Variants in ARHGAP32 observed in about 807,000 individuals in gnomAD.
The protein encoded by ARHGAP32 is Rho GTPase activating protein 32, also known as rho GTPase-activating protein 32.
A neutral mutation model predicts 186.5 loss-of-function variants in ARHGAP32; 51 were observed. The observed-to-expected ratio is 0.27, with a 90% CI of 0.22 to 0.35. ARHGAP32 has a LOEUF of 0.35. ARHGAP32 is among the 10% of genes least tolerant of loss of function. The probability of loss-of-function intolerance (pLI) is 1.00; values close to 1 mark genes in which losing one functional copy is unlikely to be tolerated. For synonymous variants in ARHGAP32, 950 were observed against 964.3 expected, an observed-to-expected ratio of 0.99 and a Z score of 0.27; for missense variants, 2,186 against 2,623.5, an observed-to-expected ratio of 0.83 and a Z score of 3.64.
rs1043827029 is a variant in ARHGAP32 at position 129,190,893 on chromosome 11, G to A, written c.116+1190C>T. On this transcript the variant is annotated intron_variant, in intron 1 of 22. Coordinates refer to ENST00000682385, the MANE Select transcript of ARHGAP32 (RefSeq NM_001378024.1). ...ATTTGAAAGGCTAGATAAAATTATG[G>A]GAAAATGAGACAAAAGTTCAGACAA... Among the ~76,000 whole-genome samples the A allele has an allele frequency of 5.1e-4, 77 of 151,938 alleles. 4 individuals are homozygous for A.
chr11:129,193,697 T>TAC (rs1944344793), upstream of ARHGAP32, among the ~76,000 whole-genome samples: 43 of 30,268 alleles, frequency 1.4e-3, no homozygotes, highest in African/African-American at 4.8e-3. Flanking sequence ...TATTATATAA[T>TAC]ATATAATATA....
chr11:129,142,515 T>G (rs1200875775), intron 2 of ARHGAP32, among the ~76,000 whole-genome samples: 2 of 152,148 alleles, frequency 1.3e-5, no homozygotes, highest in Non-Finnish European at 2.9e-5. Context: ...AAACAAGGTT[T>G]CAATACTAAA....
chr11:129,126,704 G>A (rs1364763133), intron 2 of ARHGAP32, among the ~76,000 whole-genome samples: 1 of 152,074 alleles, frequency 6.6e-6, no homozygotes, highest in Non-Finnish European at 1.5e-5. Flanking sequence ...GATGAATATA[G>A]TATTGAGTAT....
intron 2 of ARHGAP32, among the ~76,000 whole-genome samples, chr11:129,153,504 CAG>C (rs1943335706): frequency 1.3e-5 from 2 of 152,070 alleles, no homozygotes; most frequent in Admixed American, 1.3e-4. Context: ...GTTATAGTTA[CAG>C]AAACAGTATG....
At chr11:129,029,574 C>T (rs569871275) in intron 11 of ARHGAP32, among the ~76,000 whole-genome samples, 219 of 152,098 alleles carry the variant, frequency 1.4e-3, no homozygotes, top group Admixed American at 3.4e-3. Context: ...GAGGCCGAGA[C>T]GTGTGGATCA....
intron 1 of ARHGAP32, among the ~76,000 whole-genome samples, chr11:129,221,820 A>T (rs890145850): frequency 1.6e-4 from 24 of 151,802 alleles, no homozygotes; most frequent in East Asian, 5.8e-4. Context: ...TCTAAAAAAA[A>T]TTTTTTTAAA....
chr11:128,965,248 T>C lies in ARHGAP32; in HGVS notation c.*3659A>G, dbSNP rs899931742. ...CCCACAACTCAGCTTCAAATAAGTT[T>C]GCAAGAAATGAGACTCTAAATATTT... On this transcript the variant is annotated 3_prime_UTR_variant, in exon 23 of 23. Transcript: ENST00000682385. The C allele has an allele frequency of 6.6e-6, 1 of 151,746 alleles. No homozygotes were observed. The highest frequency in any genetic ancestry group is 1.5e-5 in the Non-Finnish European group (1 of 67,982). 9.4% of individuals were successfully genotyped at this position (151,746 alleles called of 1,614,324 possible).
intron 5 of ARHGAP32, among the ~76,000 whole-genome samples, chr11:129,106,482 G>A (rs945628040): frequency 2.6e-5 from 4 of 151,888 alleles, no homozygotes; most frequent in African/African-American, 4.8e-5. Flanking sequence ...AGGTACTTAC[G>A]GAAATAAAGA....
chr11:128,992,699 A>G (rs983934622), intron 12 of ARHGAP32, among the ~76,000 whole-genome samples: 1 of 152,144 alleles, frequency 6.6e-6, no homozygotes, highest in Non-Finnish European at 1.5e-5. Flanking sequence ...AGGCAGGAGA[A>G]TTGCTTGAAC....
chr11:128,977,944 T>A (rs746132425), intron 19 of ARHGAP32, among the ~76,000 whole-genome samples: 11 of 151,410 alleles, frequency 7.3e-5, no homozygotes, highest in Non-Finnish European at 1.3e-4. Flanking sequence ...CTTGAACTCC[T>A]GGCTTCAAGC....
At chr11:129,174,095 A>C (rs1344719231) in intron 1 of ARHGAP32, among the ~76,000 whole-genome samples, 1 of 152,186 alleles carries the variant, frequency 6.6e-6, no homozygotes, top group African/African-American at 2.4e-5. Context: ...CACCGTGCAC[A>C]AGCCAAAGCA....
intron 11 of ARHGAP32, among the ~76,000 whole-genome samples, chr11:129,034,153 G>A (rs1262212870): frequency 6.6e-6 from 1 of 152,058 alleles, no homozygotes; most frequent in Non-Finnish European, 1.5e-5. Context: ...TGTCTTGATG[G>A]GTTCTGACCT....
At chr11:129,169,047 T>C (rs774139847) in intron 1 of ARHGAP32, among the ~76,000 whole-genome samples, 5 of 152,184 alleles carry the variant, frequency 3.3e-5, no homozygotes, top group Non-Finnish European at 7.3e-5. Flanking sequence ...AAATGCATGT[T>C]ACTGGAAATT....
chr11:129,254,821 C>A (rs1945232180), intron 1 of ARHGAP32, among the ~76,000 whole-genome samples: 1 of 152,116 alleles, frequency 6.6e-6, no homozygotes, highest in Non-Finnish European at 1.5e-5. Flanking sequence ...CTACTGAACA[C>A]TGCAGTGATT....
At chr11:128,998,202 C>A in intron 12 of ARHGAP32, 117 bp downstream of exon 12, 7 of 816,642 alleles carry the variant, frequency 8.6e-6, no homozygotes, top group Non-Finnish European at 1.2e-5. Flanking sequence ...TTAGTACATG[C>A]ATTGAACTGA....
intron 1 of ARHGAP32, among the ~76,000 whole-genome samples, chr11:129,215,261 G>T (rs1944630612): frequency 1.3e-5 from 2 of 152,112 alleles, no homozygotes; most frequent in Non-Finnish European, 1.5e-5. Context: ...TGGTGCCTCA[G>T]TTTAGCAATA....
intron 2 of ARHGAP32, among the ~76,000 whole-genome samples, chr11:129,152,497 G>T (rs1388004822): frequency 6.6e-6 from 1 of 152,114 alleles, no homozygotes; most frequent in Non-Finnish European, 1.5e-5. Flanking sequence ...CAAAATACTA[G>T]CTAACCAAAT....
Position 128,970,549 on chromosome 11 carries a change from C to T in ARHGAP32, c.4664G>A (p.Gly1555Glu). 5 of 1,614,170 alleles carry T rather than the reference C, an allele frequency of 3.1e-6. No homozygotes were observed. The highest frequency in any genetic ancestry group is 4.2e-6 in the Non-Finnish European group (5 of 1,180,040). ...GLRYNTYVAP[G>E]RNASGHHSKP... ...GGAGTGGTGTCCAGATGCGTTTCTT[C>T]CTGGGGCCACATATGTGTTATAACG... Residue 1555 changes from glycine (G) to glutamate (E), a missense_variant, in exon 23 of 23, where the codon GGA becomes GAA. Gly to Glu is a moderately conservative substitution (Grantham distance 98). Transcript: ENST00000682385. The surrounding 1 kb of genome is among the most constrained non-coding windows in gnomAD (Gnocchi z 5.8).
chr11:129,046,631 G>C (rs996003662), intron 10 of ARHGAP32, among the ~76,000 whole-genome samples: 11 of 152,164 alleles, frequency 7.2e-5, no homozygotes, highest in African/African-American at 2.7e-4. Flanking sequence ...TCTAAAGTGA[G>C]TGTATGTGCT....
Sources: allele counts gnomAD v4.1 joint callset (sites outside exome capture counted in the v4.1 genomes callset), GRCh38; gene constraint gnomAD v4.1.1; non-coding constraint Gnocchi (gnomAD v3.1); transcripts MANE v1.5; gene names NCBI Gene and HGNC (gene_info 2026-07-23, HGNC 2026-07-21).